GLIS3: variants seen among roughly 807,000 people sequenced by gnomAD.
The protein encoded by GLIS3 is GLIS family zinc finger 3, also known as zinc finger protein GLIS3.
A neutral mutation model predicts 78.6 loss-of-function variants in GLIS3; 53 were observed. That is an observed-to-expected ratio of 0.67 (90% confidence interval 0.54 to 0.85). The LOEUF (loss-of-function observed/expected upper bound fraction) is 0.85. Ranked by LOEUF, GLIS3 falls within the 40% of genes least tolerant of loss-of-function variation. The probability of loss-of-function intolerance (pLI) is 0.00; values close to 1 mark genes in which losing one functional copy is unlikely to be tolerated. For synonymous variants in GLIS3, 684 were observed against 509.9 expected, an observed-to-expected ratio of 1.34 and a Z score of -4.60; for missense variants, 1,703 against 1,231.1, an observed-to-expected ratio of 1.38 and a Z score of -5.74.
chr9:4,201,376 A>G (rs911116898), intron 2 of GLIS3, among the ~76,000 whole-genome samples: 24 of 152,232 alleles, frequency 1.6e-4, no homozygotes, highest in African/African-American at 5.5e-4. Flanking sequence ...CCAAATAGAA[A>G]AAGAAGAAGT....
intron 2 of GLIS3, among the ~76,000 whole-genome samples, chr9:4,170,386 G>A (rs1378227924): frequency 6.6e-6 from 1 of 151,726 alleles, no homozygotes; most frequent in Non-Finnish European, 1.5e-5. Context: ...CTGGTCAACA[G>A]ATCTGCACTG....
intron 4 of GLIS3, among the ~76,000 whole-genome samples, chr9:4,036,490 G>C (rs918222158): frequency 6.6e-6 from 1 of 152,154 alleles, no homozygotes; most frequent in Non-Finnish European, 1.5e-5. Flanking sequence ...AAGAAGTAGA[G>C]AACTCAGCCC....
intron 2 of GLIS3, among the ~76,000 whole-genome samples, chr9:4,247,111 C>T (rs555060543): frequency 1.1e-4 from 16 of 152,242 alleles, no homozygotes; most frequent in African/African-American, 3.4e-4. Flanking sequence ...TTCCTGAGTT[C>T]GGTGCACACC....
chr9:3,977,362 G>C lies in GLIS3; in HGVS notation c.1711-40173C>G, dbSNP rs1818885262. On this transcript the variant is annotated intron_variant, in intron 4 of 10. Coordinates refer to ENST00000381971, the MANE Select transcript of GLIS3 (RefSeq NM_001042413.2). The surrounding 1 kb of genome is among the most constrained non-coding windows in gnomAD (Gnocchi z 4.1). Reference sequence around the variant, plus strand: ...GTAGCAGAATAAACTCATATCTGATGCTATAATTACAACCCTAATGGACAC... The same window carrying C: ...GTAGCAGAATAAACTCATATCTGATCCTATAATTACAACCCTAATGGACAC... Among the ~76,000 whole-genome samples the C allele has an allele frequency of 6.6e-6, 1 of 152,188 alleles. No individual in the cohort carries two copies. The highest frequency in any genetic ancestry group is 6.5e-5 in the Admixed American group (1 of 15,270).
rs1817480227 is a variant in GLIS3 at position 4,319,013 on chromosome 9, A to G, written n.265-8485T>C. ...ATCATAAGGAAATGATCAAGCACTC[A>G]ATTGGAGGGGCATTCTGTAAAACAG... is the stretch of plus-strand genomic sequence containing the variant. On this transcript the variant is annotated intron_variant and non_coding_transcript_variant, in intron 2 of 4. Coordinates refer to the GLIS3 transcript ENST00000471664. 2.0e-5 allele frequency among the ~76,000 whole-genome samples: 3 copies of G among 152,328 alleles called. No individual in the cohort carries two copies. In the South Asian group the frequency reaches 6.2e-4, roughly 32 times the overall value.
chr9:4,395,251 T>C, the GLIS3 span, among the ~76,000 whole-genome samples: 1 of 152,234 alleles, frequency 6.6e-6, no homozygotes, highest in Non-Finnish European at 1.5e-5. Flanking sequence ...TTTACAAGTA[T>C]AATATAAATG....
chr9:4,250,192 T>C (rs1446764880), intron 2 of GLIS3, among the ~76,000 whole-genome samples: 1 of 152,228 alleles, frequency 6.6e-6, no homozygotes, highest in Admixed American at 6.5e-5. Flanking sequence ...TCAGAAGGAA[T>C]GGTACCAGCA....
intron 2 of GLIS3, among the ~76,000 whole-genome samples, chr9:4,151,464 C>T (rs1834672547): frequency 6.6e-6 from 1 of 152,182 alleles, no homozygotes; most frequent in Non-Finnish European, 1.5e-5. Flanking sequence ...TCAGGGAGAG[C>T]AAGCACCTTG....
intron 4 of GLIS3, among the ~76,000 whole-genome samples, chr9:3,961,679 G>A (rs1419018114): frequency 6.6e-6 from 1 of 152,000 alleles, no homozygotes; most frequent in Admixed American, 6.5e-5. Context: ...TGCTAGAGTT[G>A]GCAGGTTTAG....
chr9:4,149,058 C>T (rs1004449738), intron 2 of GLIS3, among the ~76,000 whole-genome samples: 69 of 152,274 alleles, frequency 4.5e-4, no homozygotes, highest in African/African-American at 1.7e-3. Flanking sequence ...GCAGAGTTTA[C>T]CTAGCTATCA....
At chr9:4,210,468 A>G (rs1820281622) in intron 2 of GLIS3, among the ~76,000 whole-genome samples, 1 of 152,256 alleles carries the variant, frequency 6.6e-6, no homozygotes, top group Non-Finnish European at 1.5e-5. Context: ...GCTCTGAATT[A>G]GAATAGAATA....
chr9:4,489,718 C>T, the GLIS3 span, among the ~76,000 whole-genome samples: 9 of 152,312 alleles, frequency 5.9e-5, no homozygotes, highest in South Asian at 1.9e-3. Context: ...GGGTCCGGTT[C>T]TCAGTTCTAA....
chr9:4,170,977 G>A (rs916102704), intron 2 of GLIS3, among the ~76,000 whole-genome samples: 1 of 152,138 alleles, frequency 6.6e-6, no homozygotes, highest in Admixed American at 6.6e-5. Context: ...TTAGAACTGT[G>A]TCATGGTAGC....
intron 2 of GLIS3, among the ~76,000 whole-genome samples, chr9:4,206,814 G>T (rs1397895072): frequency 6.6e-6 from 1 of 152,160 alleles, no homozygotes; most frequent in Non-Finnish European, 1.5e-5. Context: ...ATTGAAATGC[G>T]ACCTGTCAAA....
At chr9:4,391,353 G>C in the GLIS3 span, among the ~76,000 whole-genome samples, 1 of 152,158 alleles carries the variant, frequency 6.6e-6, no homozygotes, top group African/African-American at 2.4e-5. Flanking sequence ...TGCTTGTCTA[G>C]TCTATATAGG....
chr9:3,908,398 A>C (rs1823866600), intron 6 of GLIS3, among the ~76,000 whole-genome samples: 1 of 151,844 alleles, frequency 6.6e-6, no homozygotes, highest in Non-Finnish European at 1.5e-5. Context: ...ACTTGTGACA[A>C]CTCCAAGGCT....
chr9:4,192,469 C>A (rs10974383), intron 2 of GLIS3, among the ~76,000 whole-genome samples: 42,962 of 152,134 alleles, frequency 0.28, 6,904 homozygotes, highest in South Asian at 0.48. Flanking sequence ...CAACCAATTT[C>A]CAAACAAACT....
the GLIS3 span, among the ~76,000 whole-genome samples, chr9:4,353,976 C>T: frequency 2.0e-5 from 3 of 148,818 alleles, no homozygotes; most frequent in South Asian, 2.2e-4. Context: ...TACAGGAGCA[C>T]GCCGCCACAC....
At chr9:4,208,859 G>A (rs1466291843) in intron 2 of GLIS3, among the ~76,000 whole-genome samples, 1 of 152,148 alleles carries the variant, frequency 6.6e-6, no homozygotes, top group Non-Finnish European at 1.5e-5. Flanking sequence ...CAGAGGAGGT[G>A]AATCTGTGGC....
Sources: allele counts gnomAD v4.1 joint callset (sites outside exome capture counted in the v4.1 genomes callset), GRCh38; gene constraint gnomAD v4.1.1; non-coding constraint Gnocchi (gnomAD v3.1); transcripts MANE v1.5; gene names NCBI Gene and HGNC (gene_info 2026-07-23, HGNC 2026-07-21).